The following CPNE2 variants were observed in gnomAD, a reference collection of about 807,000 sequenced individuals.
CPNE2 encodes copine 2, also known as copine-2.
CPNE2 carries 42 observed loss-of-function variants against 69.7 expected under a neutral mutation model. The observed-to-expected ratio is 0.60, with a 90% CI of 0.47 to 0.78. The LOEUF is 0.78. CPNE2 is among the 30% of genes least tolerant of loss of function. CPNE2 has a pLI of 0.00. For synonymous variants in CPNE2, 294 were observed against 289.8 expected (o/e 1.01, Z -0.15); for missense variants, 587 against 732.0 (o/e 0.80, Z 2.29).
At chr16:57,127,469 T>C (rs2069808478) in intron 11 of CPNE2, among the ~76,000 whole-genome samples, 2 of 152,140 alleles carry the variant, frequency 1.3e-5, no homozygotes, top group Admixed American at 1.3e-4. Context: ...TTAGTAGAGT[T>C]TTCCCCAGCT....
At chr16:57,107,865 C>CTTTTT (rs11347830) in intron 1 of CPNE2, among the ~76,000 whole-genome samples, 4 of 98,786 alleles carry the variant, frequency 4.0e-5, no homozygotes, top group Non-Finnish European at 7.9e-5. Context: ...ACAGAGCAAT[C>CTTTTT]TTTTTTTTTT....
chr16:57,135,760 G>A (rs1336783108), intron 13 of CPNE2, among the ~76,000 whole-genome samples: 1 of 151,432 alleles, frequency 6.6e-6, no homozygotes, highest in Non-Finnish European at 1.5e-5. Flanking sequence ...TGTAATCCCA[G>A]CTACTCAGGA....
rs774423060 is a variant in CPNE2 at position 57,110,729 on chromosome 16, C to T, written c.-14C>T. 1.4e-5 allele frequency: 23 copies of T among 1,591,926 alleles called. No homozygotes were observed. Among genetic ancestry groups the T allele is most frequent in the Middle Eastern group, 1.7e-4 (1 of 5,962 alleles). On this transcript the variant is annotated 5_prime_UTR_variant, in exon 2 of 16. Transcript: ENST00000290776. ...CTAGACTGCCAGGAACTCCTGCCAC[C>T]GCCACCGGCTCCCATGGCCCACATA...
At chr16:57,121,543 CCT>C (rs1162632766) in intron 8 of CPNE2, 129 bp from the exon 9 acceptor site, 1 of 876,612 alleles carries the variant, frequency 1.1e-6, no homozygotes, top group East Asian at 2.4e-5. Context: ...GTGTGGACAT[CCT>C]GGGAGGCTCC....
intron 3 of CPNE2, among the ~76,000 whole-genome samples, chr16:57,114,945 A>C (rs2069707804): frequency 6.7e-6 from 1 of 149,140 alleles, no homozygotes; most frequent in African/African-American, 2.5e-5. Context: ...AAAAAAAAAA[A>C]AAAAAAAAAA....
At position 57,130,806 on chromosome 16, in the gene CPNE2, G is replaced by A. The variant is rs1000108318; in HGVS notation, c.1116+2903G>A. ...TCAGCCAGTGTGGCAGTCAGCCAGC[G>A]TGGAAGTCAACTGGCTGTGAGGGAG... On this transcript the variant is annotated intron_variant, in intron 12 of 15. Transcript: ENST00000290776. The surrounding 1 kb of genome is among the most constrained non-coding windows in gnomAD (Gnocchi z 4.1). Among the ~76,000 whole-genome samples the A allele has an allele frequency of 2.0e-5, 3 of 152,174 alleles. No homozygotes were observed. Among genetic ancestry groups the A allele is most frequent in the South Asian group, 2.1e-4 (1 of 4,812 alleles).
chr16:57,110,860 G>A lies in CPNE2; in HGVS notation c.118G>A (p.Val40Ile). Residue 40 changes from valine (V) to isoleucine (I), a missense_variant, in exon 2 of 16, where the codon GTT becomes ATT. Coordinates refer to ENST00000290776, the MANE Select transcript of CPNE2 (RefSeq NM_152727.6). ...VSGQNLLDRDVTSKSDPFCVL... is the reference protein window; with the variant it reads ...VSGQNLLDRDITSKSDPFCVL... ...TGGCCAGAACCTACTGGACCGGGATGTTACCTCCAAGTCCGACCCCTTCTG... is the reference window on the plus strand; with the variant it reads ...TGGCCAGAACCTACTGGACCGGGATATTACCTCCAAGTCCGACCCCTTCTG... 6.2e-7 allele frequency: 1 copy of A among 1,613,880 alleles called. No homozygotes were observed. Among genetic ancestry groups the A allele is most frequent in the East Asian group, 2.2e-5 (1 of 44,848 alleles).
chr16:57,125,462 T>C, intron 10 of CPNE2: 1 of 425,210 alleles, frequency 2.4e-6, no homozygotes, highest in Non-Finnish European at 4.8e-6. Flanking sequence ...GGCATCTGAG[T>C]TGGGCCTGGA....
Position 57,121,205 on chromosome 16 carries a change from G to A in CPNE2, c.780+14G>A, listed in dbSNP as rs982276949. On this transcript the variant is annotated intron_variant, in intron 8 of 15. Coordinates refer to ENST00000290776, the MANE Select transcript of CPNE2 (RefSeq NM_152727.6). ...GACAGCGTCCCGGTGAGATGGGCACGTGTACTGTAACCCCAAGACCTCAGC... is the reference window on the plus strand; with the variant it reads ...GACAGCGTCCCGGTGAGATGGGCACATGTACTGTAACCCCAAGACCTCAGC... The A allele has an allele frequency of 2.2e-5, 35 of 1,609,176 alleles. No individual in the cohort carries two copies. Among genetic ancestry groups the A allele is most frequent in the Non-Finnish European group, 2.7e-5 (32 of 1,176,462 alleles).
intron 1 of CPNE2, among the ~76,000 whole-genome samples, chr16:57,107,998 G>A (rs1470791678): frequency 1.3e-5 from 2 of 151,320 alleles, no homozygotes; most frequent in Non-Finnish European, 2.9e-5. Flanking sequence ...AGTCTCCCGA[G>A]TAGCTGGGAC....
rs1219246764 is a variant in CPNE2 at position 57,117,521 on chromosome 16, A to G, written c.461A>G (p.Asn154Ser). 6 of 1,613,940 alleles carry G rather than the reference A, an allele frequency of 3.7e-6. No individual in the cohort carries two copies. The East Asian group carries it at 6.7e-5, about 18-fold the overall frequency. ...ITIAAQELSD[N>S]RVITLSLAGR... ...ATCGCTGCCCAGGAGCTGTCCGACAACCGCGTCATCACACTAAGCCTGGCG... is the reference window on the plus strand; with the variant it reads ...ATCGCTGCCCAGGAGCTGTCCGACAGCCGCGTCATCACACTAAGCCTGGCG... Residue 154 changes from asparagine (N) to serine (S), a missense_variant, in exon 5 of 16, where the codon AAC becomes AGC. Physicochemically the swap from Asn to Ser is conservative, Grantham distance 46 (BLOSUM62 1). This residue lies in a region of CPNE2 where 269 missense variants were observed against 300.5 expected (regional missense o/e 0.90). Coordinates refer to ENST00000290776, the MANE Select transcript of CPNE2 (RefSeq NM_152727.6).
chr16:57,139,634 C>T (rs1293898314), intron 14 of CPNE2, among the ~76,000 whole-genome samples: 17 of 152,264 alleles, frequency 1.1e-4, no homozygotes, highest in African/African-American at 3.9e-4. Flanking sequence ...GGGTTAGAAG[C>T]AAGATGGAGT....
intron 4 of CPNE2, among the ~76,000 whole-genome samples, chr16:57,116,571 AT>A (rs2069720837): frequency 6.6e-6 from 1 of 152,182 alleles, no homozygotes. Context: ...GAATGAATGA[AT>A]GCCTTCACAA....
Position 57,147,909 on chromosome 16 carries a change from T to G in CPNE2, c.*251T>G, listed in dbSNP as rs2069972151. ...ACCTTTGCCATTCTTAAGTATTGAA[T>G]GTACTTTGTATAATTTTAGTGGAAT... On this transcript the variant is annotated 3_prime_UTR_variant, in exon 16 of 16. Coordinates refer to ENST00000290776, the MANE Select transcript of CPNE2 (RefSeq NM_152727.6). The G allele has an allele frequency of 2.7e-6, 1 of 375,154 alleles. No homozygotes were observed. The highest frequency in any genetic ancestry group is 4.7e-6 in the Non-Finnish European group (1 of 210,878). The allele number at this position is 375,154 out of a possible 1,614,324, so 23.2% of individuals were successfully genotyped here.
At position 57,121,122 on chromosome 16, in the gene CPNE2, G is replaced by A; in HGVS notation, c.711G>A (p.Gly237=). The A allele has an allele frequency of 6.2e-7, 1 of 1,614,010 alleles. No individual in the cohort carries two copies. The highest frequency in any genetic ancestry group is 2.2e-5 in the East Asian group (1 of 44,878). ...TGTGCTACGACTATGACAATGACGG[G>A]GGCCATGACTTCATCGGCGAGTTCC... The part of the protein sequence containing the change: ...QVMCYDYDND[G]GHDFIGEFQT... Residue 237 remains glycine, a synonymous_variant, in exon 8 of 16, where the codon GGG becomes GGA. Coordinates refer to ENST00000290776, the MANE Select transcript of CPNE2 (RefSeq NM_152727.6).
At chr16:57,105,531 G>T (rs1221388432) in intron 1 of CPNE2, among the ~76,000 whole-genome samples, 2 of 151,988 alleles carry the variant, frequency 1.3e-5, no homozygotes, top group Admixed American at 6.5e-5. Context: ...AAACTCCTGG[G>T]CCCAAGCCAT....
chr16:57,115,346 G>T, intron 3 of CPNE2, 130 bp from the exon 4 acceptor site: 1 of 685,986 alleles, frequency 1.5e-6, no homozygotes. Flanking sequence ...ATGATGCTCA[G>T]GCGGGTCACC....
intron 2 of CPNE2, chr16:57,113,069 C>T (rs1416279638): frequency 1.0e-5 from 5 of 499,518 alleles, no homozygotes; most frequent in Non-Finnish European, 1.8e-5. Flanking sequence ...CAAATCTCGG[C>T]CCTGCTCCAC....
chr16:57,147,854 G>T lies in CPNE2; in HGVS notation c.*196G>T. ...TGGAGTCAACTGTTGATGCTTCCAG[G>T]CCAAACTGGCTTCCTCTCCTCCTCT... On this transcript the variant is annotated 3_prime_UTR_variant, in exon 16 of 16. Transcript: ENST00000290776. 1 of 413,946 alleles carries T rather than the reference G, an allele frequency of 2.4e-6. No homozygotes were observed. 25.6% of individuals were successfully genotyped at this position (413,946 alleles called of 1,614,324 possible).
Sources: allele counts gnomAD v4.1 joint callset (sites outside exome capture counted in the v4.1 genomes callset), GRCh38; gene constraint gnomAD v4.1.1; regional missense constraint gnomAD v4.1.1; non-coding constraint Gnocchi (gnomAD v3.1); transcripts MANE v1.5; gene names NCBI Gene and HGNC (gene_info 2026-07-23, HGNC 2026-07-21).